SMCHD1: variants seen among roughly 807,000 people sequenced by gnomAD.
SMCHD1 encodes the protein structural maintenance of chromosomes flexible hinge domain containing 1, also known as structural maintenance of chromosomes flexible hinge domain-containing protein 1.
SMCHD1 carries 78 observed loss-of-function variants against 254.7 expected under a neutral mutation model. The ratio of observed to expected loss-of-function variants is 0.31; its 90% CI spans 0.26 to 0.37. SMCHD1 has a LOEUF of 0.37. SMCHD1 is among the 10% of genes least tolerant of loss of function. The pLI, the probability that SMCHD1 is intolerant of heterozygous loss-of-function variation, is 1.00. For synonymous variants in SMCHD1, 766 were observed against 794.9 expected (o/e 0.96, Z 0.61); for missense variants, 1,840 against 2,408.1 (o/e 0.76, Z 4.94).
chr18:2,764,821 AC>A (rs1244073349), intron 37 of SMCHD1, among the ~76,000 whole-genome samples: 1 of 152,118 alleles, frequency 6.6e-6, no homozygotes, highest in African/African-American at 2.4e-5. Flanking sequence ...TGGAACTAGT[AC>A]CCCACAGATA....
intron 30 of SMCHD1, among the ~76,000 whole-genome samples, chr18:2,748,578 A>G (rs1266797335): frequency 6.6e-6 from 1 of 151,730 alleles, no homozygotes; most frequent in African/African-American, 2.4e-5. Context: ...TATTTTTAGT[A>G]CAGACGGGGT....
Position 2,666,210 on chromosome 18 carries a change from A to G in SMCHD1, c.240A>G (p.Lys80=), listed in dbSNP as rs2073430946. The change falls in exon 2 of 48, where the codon AAA becomes AAG. Residue 80 remains lysine (K), a synonymous_variant. Coordinates refer to ENST00000320876, the MANE Select transcript of SMCHD1 (RefSeq NM_015295.3). ...TTGTTATTACAACAACAAGTAGGAA[A>G]GAAATTACCTGTGATAATTTTGGTA... ...EKFVITTTSR[K]EITCDNFDET... 4 of 1,546,554 alleles carry G rather than the reference A, an allele frequency of 2.6e-6. No homozygotes were observed. The highest frequency in any genetic ancestry group is 2.3e-5 in the East Asian group (1 of 44,054).
Position 2,773,931 on chromosome 18 carries a change from A to T in SMCHD1, c.5175+1559A>T, listed in dbSNP as rs187405350. 4.3e-3 allele frequency among the ~76,000 whole-genome samples: 649 copies of T among 152,198 alleles called. 4 individuals carry two copies. Among genetic ancestry groups the T allele is most frequent in the African/African-American group, 0.015 (626 of 41,486 alleles). ...GAGCGAGACTCTGTCTCAAAAAAAT[A>T]AAAAAACCCTAGAATAAATAATCGT... On this transcript the variant is annotated intron_variant, in intron 41 of 47. Transcript: ENST00000320876.
chr18:2,662,599 C>T (rs1019715917), intron 1 of SMCHD1, among the ~76,000 whole-genome samples: 3 of 144,100 alleles, frequency 2.1e-5, no homozygotes, highest in African/African-American at 7.8e-5. Context: ...GAGCTGAGAT[C>T]GTGCCATTGC....
chr18:2,698,682 C>T (rs557207420), intron 10 of SMCHD1, among the ~76,000 whole-genome samples: 790 of 11,834 alleles, frequency 0.067, 3 homozygotes, highest in Admixed American at 0.097. Flanking sequence ...CCTTTTTTTC[C>T]CCCCCCAGTA....
chr18:2,700,985 T>C lies in SMCHD1; in HGVS notation c.1647+67T>C, dbSNP rs538471110. On this transcript the variant is annotated intron_variant, in intron 12 of 47. Transcript: ENST00000320876. The stretch of plus-strand genomic sequence containing the variant: ...TTTATTTTTAAGTAAAAGAAGACAC[T>C]AGCAGTGTAGGTTTTTATTGATATT... 6.8e-5 allele frequency: 80 copies of C among 1,182,560 alleles called. 1 individual carries two copies. In the South Asian group the frequency reaches 1.3e-3, roughly 19 times the overall value. 73.3% of individuals were successfully genotyped at this position (1,182,560 alleles called of 1,614,324 possible).
rs1336570640 is a variant in SMCHD1, at chr18:2,717,349, CT to C, written c.2261-805del. Among the ~76,000 whole-genome samples, 3 of 152,114 alleles carry C rather than the reference CT, an allele frequency of 2.0e-5. No homozygotes were observed. The East Asian group carries it at 5.8e-4, about 29-fold the overall frequency. On this transcript the variant is annotated intron_variant, in intron 17 of 47. Coordinates refer to ENST00000320876, the MANE Select transcript of SMCHD1 (RefSeq NM_015295.3). Reference sequence around the variant, plus strand: ...GTAGTGTTCAAAGTATCCAAAGTTTCTTTTGCTTTTTTTTTGAGACAAGGTC... The same window carrying C: ...GTAGTGTTCAAAGTATCCAAAGTTTCTTTGCTTTTTTTTTGAGACAAGGTC...
intron 25 of SMCHD1, among the ~76,000 whole-genome samples, chr18:2,737,497 G>A (rs1038975888): frequency 6.6e-6 from 1 of 152,114 alleles, no homozygotes; most frequent in Non-Finnish European, 1.5e-5. Flanking sequence ...GAGGTGGGAG[G>A]ATTGCTGGAG....
intron 28 of SMCHD1, 149 bp from the exon 29 acceptor site, chr18:2,743,612 G>T: frequency 2.2e-6 from 1 of 455,038 alleles, no homozygotes; most frequent in Non-Finnish European, 3.7e-6. Flanking sequence ...TGCATGGCAT[G>T]CCATTATTGC....
chr18:2,675,820 ACT>A (rs753333372), intron 5 of SMCHD1, among the ~76,000 whole-genome samples: 3 of 152,164 alleles, frequency 2.0e-5, no homozygotes, highest in Non-Finnish European at 2.9e-5. Context: ...TGGGACATTG[ACT>A]CTGATTTCTC....
chr18:2,682,842 C>A (rs1425318575), intron 5 of SMCHD1, among the ~76,000 whole-genome samples: 2 of 152,096 alleles, frequency 1.3e-5, no homozygotes, highest in South Asian at 4.1e-4. Flanking sequence ...TAGTTTTCTA[C>A]TTTTATTTAT....
intron 44 of SMCHD1, among the ~76,000 whole-genome samples, chr18:2,782,847 T>C (rs1257923009): frequency 6.6e-6 from 1 of 151,946 alleles, no homozygotes; most frequent in Non-Finnish European, 1.5e-5. Context: ...TTTGTATTTT[T>C]GTTGTTGTTG....
intron 17 of SMCHD1, among the ~76,000 whole-genome samples, chr18:2,712,969 T>C (rs62084224): frequency 0.19 from 29,559 of 152,190 alleles, 3,120 homozygotes; most frequent in South Asian, 0.27. Flanking sequence ...TTTTGGTTCT[T>C]ATCGAACCCC....
At chr18:2,712,615 G>A (rs1457966689) in intron 17 of SMCHD1, among the ~76,000 whole-genome samples, 4 of 152,118 alleles carry the variant, frequency 2.6e-5, no homozygotes, top group Non-Finnish European at 5.9e-5. Context: ...TGGGGATCCT[G>A]GAACCAATCT....
rs777602350 is a variant in SMCHD1 at position 2,784,457 on chromosome 18, A to C, written c.5555A>C (p.Lys1852Thr). ...AANHYRKEVVKITHCPTLLTR... is the reference protein window; with the variant it reads ...AANHYRKEVVTITHCPTLLTR... ...TTCACTTATTTACAATAGGTTGTTAAAATTACACACTGTCCTACACTGCTG... is the reference window on the plus strand; with the variant it reads ...TTCACTTATTTACAATAGGTTGTTACAATTACACACTGTCCTACACTGCTG... The change falls in exon 45 of 48, where the codon AAA (lysine) becomes ACA (threonine). Residue 1852 changes from lysine (K) to threonine (T), a missense_variant. By Grantham distance (78) the Lys-to-Thr change is moderately conservative. This residue lies in a region of SMCHD1 where 114 missense variants were observed against 217.6 expected (regional missense o/e 0.52). Transcript: ENST00000320876. The C allele has an allele frequency of 6.2e-7, 1 of 1,608,036 alleles. No individual in the cohort carries two copies. The highest frequency in any genetic ancestry group is 8.5e-7 in the Non-Finnish European group (1 of 1,177,504).
At chr18:2,738,677 A>C in intron 26 of SMCHD1, 132 bp downstream of exon 26, 1 of 833,964 alleles carries the variant, frequency 1.2e-6, no homozygotes, top group Non-Finnish European at 1.7e-6. Flanking sequence ...TTTGGAATAA[A>C]GTGTCATTGG....
intron 32 of SMCHD1, 107 bp downstream of exon 32, chr18:2,750,614 A>C (rs2075553237): frequency 1.2e-6 from 1 of 841,922 alleles, no homozygotes; most frequent in Admixed American, 3.4e-5. Context: ...AATGTAGGAG[A>C]CAGGGAAGCA....
intron 1 of SMCHD1, among the ~76,000 whole-genome samples, chr18:2,659,581 A>C (rs1256425639): frequency 6.6e-6 from 1 of 152,192 alleles, no homozygotes; most frequent in Non-Finnish European, 1.5e-5. Flanking sequence ...TCATTTGGTT[A>C]GTTCTAAAAT....
At chr18:2,704,033 C>G (rs2074460251) in intron 13 of SMCHD1, 147 bp downstream of exon 13, 1 of 558,404 alleles carries the variant, frequency 1.8e-6, no homozygotes, top group South Asian at 3.6e-5. Context: ...TTTATTCAGA[C>G]TCTTCACAGG....
Sources: allele counts gnomAD v4.1 joint callset (sites outside exome capture counted in the v4.1 genomes callset), GRCh38; gene constraint gnomAD v4.1.1; regional missense constraint gnomAD v4.1.1; transcripts MANE v1.5; gene names NCBI Gene and HGNC (gene_info 2026-07-23, HGNC 2026-07-21).